Variants in RBFOX1 observed in about 807,000 individuals in gnomAD.
RBFOX1 encodes RNA binding fox-1 homolog 1.
RBFOX1 carries 8 observed loss-of-function variants against 57.7 expected under a neutral mutation model. That is an observed-to-expected ratio of 0.14 (90% CI 0.08 to 0.25). The LOEUF is 0.25. Ranked by LOEUF, RBFOX1 falls within the 10% of genes least tolerant of loss-of-function variation. RBFOX1 has a pLI of 1.00. For missense variants in RBFOX1, 611 were observed against 548.5 expected (o/e 1.11, Z -1.14); for synonymous variants, 326 against 222.4 (o/e 1.47, Z -4.15).
At chr16:5,531,061 C>CTT (rs2044458452) in intron 2 of RBFOX1, among the ~76,000 whole-genome samples, 1 of 150,828 alleles carries the variant, frequency 6.6e-6, no homozygotes, top group Non-Finnish European at 1.5e-5. Context: ...GGAGGTGGAG[C>CTT]TTGCAGTAAG....
At chr16:6,572,730 T>C (rs1305865246) in intron 2 of RBFOX1, among the ~76,000 whole-genome samples, 2 of 152,106 alleles carry the variant, frequency 1.3e-5, no homozygotes, top group African/African-American at 4.8e-5. Context: ...GTAGCTAGAA[T>C]TACAGGTGTG....
intron 2 of RBFOX1, among the ~76,000 whole-genome samples, chr16:5,552,392 G>C (rs1308869635): frequency 1.3e-5 from 2 of 152,216 alleles, no homozygotes; most frequent in African/African-American, 4.8e-5. Flanking sequence ...CATTGGGCTA[G>C]TGACTTCCCA....
chr16:5,723,619 T>G (rs2052021068), intron 3 of RBFOX1, among the ~76,000 whole-genome samples: 1 of 151,968 alleles, frequency 6.6e-6, no homozygotes, highest in Admixed American at 6.5e-5. Flanking sequence ...TTGGGCTGGA[T>G]GGTGTCTGAG....
At chr16:5,514,577 T>G (rs879685413) in intron 2 of RBFOX1, among the ~76,000 whole-genome samples, 1 of 152,098 alleles carries the variant, frequency 6.6e-6, no homozygotes, top group African/African-American at 2.4e-5. Context: ...TTGGGGCCAT[T>G]CACACTGTCA....
At chr16:5,763,255 CT>C (rs2053649370) in intron 3 of RBFOX1, among the ~76,000 whole-genome samples, 1 of 152,208 alleles carries the variant, frequency 6.6e-6, no homozygotes, top group Admixed American at 6.5e-5. Context: ...CAGAAGGAGG[CT>C]TGGTTTGGCC....
In RBFOX1 at chr16:7,607,328, A is replaced by G. The variant is rs1209199116; in HGVS notation, c.666A>G (p.Glu222=). 1 of 1,611,054 alleles carries G rather than the reference A, an allele frequency of 6.2e-7. No individual in the cohort carries two copies. The highest frequency in any genetic ancestry group is 8.5e-7 in the Non-Finnish European group (1 of 1,179,248). The change falls in exon 10 of 16, where the codon GAA becomes GAG. Residue 222 remains glutamate (E), a synonymous_variant. Coordinates refer to ENST00000550418, the MANE Select transcript of RBFOX1 (RefSeq NM_018723.4). The stretch of plus-strand genomic sequence containing the variant: ...TTGTGGGTGCAGTCTACAGTCCCGA[A>G]TTCTATGCAGGTACAGAGTTTCTCT... The part of the protein sequence containing the change: ...NPVVGAVYSP[E]FYAGTVLLCQ...
intron 3 of RBFOX1, among the ~76,000 whole-genome samples, chr16:5,607,323 C>T (rs962684690): frequency 6.6e-6 from 1 of 152,178 alleles, no homozygotes. Flanking sequence ...GTGATGTTGG[C>T]CACATGGTTC....
Position 6,412,778 on chromosome 16 carries a change from T to C in RBFOX1, c.-64+95721T>C, listed in dbSNP as rs1432974984. Among the ~76,000 whole-genome samples, 4 of 152,200 alleles carry C rather than the reference T, an allele frequency of 2.6e-5. No individual in the cohort carries two copies. In the East Asian group the frequency reaches 5.8e-4, roughly 22 times the overall value. On this transcript the variant is annotated intron_variant, in intron 2 of 15. Coordinates refer to ENST00000550418, the MANE Select transcript of RBFOX1 (RefSeq NM_018723.4). ...GTCTCGGAACCATCTAATGATCTGA[T>C]TCAGTGAGCAAGAGTGTGGAATTGT...
intron 3 of RBFOX1, among the ~76,000 whole-genome samples, chr16:5,759,600 C>A (rs745734394): frequency 2.6e-5 from 4 of 152,202 alleles, no homozygotes; most frequent in African/African-American, 7.2e-5. Flanking sequence ...CCTTTTGCCG[C>A]CAGTGCCAGG....
At chr16:6,874,182 T>TACAC (rs141129819) in intron 3 of RBFOX1, among the ~76,000 whole-genome samples, 4 of 151,550 alleles carry the variant, frequency 2.6e-5, no homozygotes, top group African/African-American at 9.7e-5. Flanking sequence ...GGTGTGTGCA[T>TACAC]ACACACACAA....
rs1323438099 is a variant in RBFOX1, at chr16:7,630,637, A to G, written c.711A>G (p.Gly237=). ...TGTTGTGCCAGGCCAACCAGGAGGGATCTTCCATGTACAGTGCCCCCAGTT... is the reference window on the plus strand; with the variant it reads ...TGTTGTGCCAGGCCAACCAGGAGGGGTCTTCCATGTACAGTGCCCCCAGTT... ...TVLLCQANQE[G]SSMYSAPSSL... The change falls in exon 11 of 16, where the codon GGA becomes GGG. Residue 237 remains glycine (G), a synonymous_variant. Coordinates refer to ENST00000550418, the MANE Select transcript of RBFOX1 (RefSeq NM_018723.4). 2 of 1,613,884 alleles carry G rather than the reference A, an allele frequency of 1.2e-6. No homozygotes were observed. The highest frequency in any genetic ancestry group is 1.7e-6 in the Non-Finnish European group (2 of 1,179,980).
At chr16:6,414,015 C>T (rs911519815) in intron 2 of RBFOX1, among the ~76,000 whole-genome samples, 2 of 152,152 alleles carry the variant, frequency 1.3e-5, no homozygotes, top group African/African-American at 4.8e-5. Flanking sequence ...AAATTCCAAC[C>T]ATAGGGATCG....
chr16:7,376,750 C>T (rs1234788378), intron 4 of RBFOX1, among the ~76,000 whole-genome samples: 3 of 152,060 alleles, frequency 2.0e-5, no homozygotes, highest in Non-Finnish European at 2.9e-5. Context: ...CTTAAATAAC[C>T]GGAAAGTTAA....
At chr16:6,701,408 G>A (rs754754400) in intron 3 of RBFOX1, among the ~76,000 whole-genome samples, 4 of 152,206 alleles carry the variant, frequency 2.6e-5, no homozygotes, top group Non-Finnish European at 5.9e-5. Flanking sequence ...ATCTGCATTA[G>A]TCTGTTTTAC....
At chr16:7,032,032 G>A (rs931358944) in intron 3 of RBFOX1, among the ~76,000 whole-genome samples, 28 of 152,176 alleles carry the variant, frequency 1.8e-4, no homozygotes, top group African/African-American at 6.0e-4. Context: ...AAAGAAAGTC[G>A]ATTCTCCTTT....
intron 1 of RBFOX1, among the ~76,000 whole-genome samples, chr16:6,126,676 T>A (rs1427476495): frequency 6.6e-6 from 1 of 152,176 alleles, no homozygotes; most frequent in Non-Finnish European, 1.5e-5. Flanking sequence ...GCTCCTCCCC[T>A]GGTTTTCACT....
At chr16:7,312,204 A>T (rs2096329399) in intron 4 of RBFOX1, among the ~76,000 whole-genome samples, 1 of 152,202 alleles carries the variant, frequency 6.6e-6, no homozygotes, top group Non-Finnish European at 1.5e-5. Context: ...ACATGGTGAA[A>T]CCCTGTCTCT....
chr16:6,847,371 C>T (rs1338577706), intron 3 of RBFOX1, among the ~76,000 whole-genome samples: 1 of 152,108 alleles, frequency 6.6e-6, no homozygotes, highest in Non-Finnish European at 1.5e-5. Flanking sequence ...CTTCAATCTG[C>T]CCTATGTGTG....
intron 3 of RBFOX1, among the ~76,000 whole-genome samples, chr16:6,771,740 A>G (rs1420156238): frequency 6.6e-6 from 1 of 152,190 alleles, no homozygotes; most frequent in African/African-American, 2.4e-5. Flanking sequence ...GAGGCCAGGG[A>G]TGCTGTTTAA....
Sources: allele counts gnomAD v4.1 joint callset (sites outside exome capture counted in the v4.1 genomes callset), GRCh38; gene constraint gnomAD v4.1.1; transcripts MANE v1.5; gene names NCBI Gene and HGNC (gene_info 2026-07-23, HGNC 2026-07-21).